Variants in PDLIM1 observed in about 807,000 individuals in gnomAD.
The protein encoded by PDLIM1 is PDZ and LIM domain protein 1.
Under a neutral mutation model 35.2 loss-of-function variants are expected in PDLIM1, and 25 were observed. That is an observed-to-expected ratio of 0.71 (90% confidence interval 0.52 to 0.99). PDLIM1 has a LOEUF of 0.99. Ranked by LOEUF, PDLIM1 falls within the 50% of genes least tolerant of loss-of-function variation. The pLI is 0.00. For synonymous variants in PDLIM1, 152 were observed against 154.0 expected (o/e 0.99, Z 0.10); for missense variants, 363 against 415.3 (o/e 0.87, Z 1.09).
chr10:95,286,311 C>G (rs1408341541), intron 1 of PDLIM1, among the ~76,000 whole-genome samples: 1 of 151,758 alleles, frequency 6.6e-6, no homozygotes, highest in African/African-American at 2.4e-5. Context: ...GAGCCGAGAT[C>G]ATGCCACTGA....
At chr10:95,289,692 C>T (rs773293259) in intron 1 of PDLIM1, among the ~76,000 whole-genome samples, 1 of 152,204 alleles carries the variant, frequency 6.6e-6, no homozygotes, top group Non-Finnish European at 1.5e-5. Context: ...CACCCTTCCC[C>T]CAACCCCAAG....
At chr10:95,284,795 T>A (rs187496810) in intron 1 of PDLIM1, among the ~76,000 whole-genome samples, 5 of 152,342 alleles carry the variant, frequency 3.3e-5, no homozygotes, top group African/African-American at 4.8e-5. Flanking sequence ...GACCGCTGTG[T>A]TCTTCACAAA....
At chr10:95,270,016 C>G (rs933444638) in intron 2 of PDLIM1, among the ~76,000 whole-genome samples, 1 of 152,126 alleles carries the variant, frequency 6.6e-6, no homozygotes, top group Non-Finnish European at 1.5e-5. Context: ...GGATTACAGA[C>G]TAGAGCCACC....
intron 1 of PDLIM1, among the ~76,000 whole-genome samples, chr10:95,279,452 G>A (rs1369054807): frequency 7.9e-5 from 12 of 152,090 alleles, no homozygotes. Context: ...AATACAGTAT[G>A]GGGAAAAAAT....
chr10:95,258,301 T>C (rs1174166591), intron 4 of PDLIM1, among the ~76,000 whole-genome samples: 1 of 151,716 alleles, frequency 6.6e-6, no homozygotes, highest in Non-Finnish European at 1.5e-5. Context: ...TGGGATATTA[T>C]TCAGCCTTAA....
intron 1 of PDLIM1, 27 bp from the exon 2 acceptor site, chr10:95,271,811 G>A (rs1471479692): frequency 6.2e-7 from 1 of 1,602,510 alleles, no homozygotes; most frequent in African/African-American, 1.3e-5. Flanking sequence ...AAGCAGGCTA[G>A]TTACTATTTG....
chr10:95,289,102 C>A (rs1386501625), intron 1 of PDLIM1, among the ~76,000 whole-genome samples: 1 of 152,208 alleles, frequency 6.6e-6, no homozygotes, highest in Non-Finnish European at 1.5e-5. Flanking sequence ...GCCCTTTTAA[C>A]AGATTGCCAA....
At chr10:95,267,772 T>G (rs927156814) in intron 3 of PDLIM1, among the ~76,000 whole-genome samples, 1 of 152,238 alleles carries the variant, frequency 6.6e-6, no homozygotes, top group Non-Finnish European at 1.5e-5. Flanking sequence ...AGCTATATAT[T>G]GTATTTTAAT....
chr10:95,290,187 G>C lies in PDLIM1; in HGVS notation c.96+633C>G, dbSNP rs1413471851. Among the ~76,000 whole-genome samples, 1 of 152,224 alleles carries C rather than the reference G, an allele frequency of 6.6e-6. No individual in the cohort carries two copies. Among genetic ancestry groups the C allele is most frequent in the African/African-American group, 2.4e-5 (1 of 41,456 alleles). ...AGAGATAATCTGGGAATGCTAGGAAGAATGACGGCGGGGCCACGTTCTGCA... is the reference window on the plus strand; with the variant it reads ...AGAGATAATCTGGGAATGCTAGGAACAATGACGGCGGGGCCACGTTCTGCA... On this transcript the variant is annotated intron_variant, in intron 1 of 6. Transcript: ENST00000329399. This position sits in a 1 kb window ranked among gnomAD's most constrained non-coding sequence, Gnocchi z 4.7.
chr10:95,258,395 G>A (rs1229572400), intron 4 of PDLIM1, among the ~76,000 whole-genome samples: 10 of 151,986 alleles, frequency 6.6e-5, no homozygotes, highest in African/African-American at 1.9e-4. Context: ...CCAGCTACTC[G>A]GGAGGCTGAG....
At chr10:95,286,866 C>T (rs116628080) in intron 1 of PDLIM1, among the ~76,000 whole-genome samples, 156 of 152,318 alleles carry the variant, frequency 1.0e-3, no homozygotes, top group African/African-American at 3.7e-3. Context: ...CCAGTCCTAT[C>T]CTGATCCCAG....
intron 1 of PDLIM1, among the ~76,000 whole-genome samples, chr10:95,273,866 A>G (rs934590011): frequency 4.6e-5 from 7 of 152,194 alleles, no homozygotes; most frequent in Non-Finnish European, 7.3e-5. Flanking sequence ...GTGCATCTTC[A>G]TACACACTTC....
intron 3 of PDLIM1, among the ~76,000 whole-genome samples, chr10:95,267,261 T>C (rs2035424218): frequency 6.6e-6 from 1 of 152,182 alleles, no homozygotes; most frequent in Admixed American, 6.5e-5. Flanking sequence ...TAACTGAAAT[T>C]TACATAATTA....
chr10:95,284,509 A>G (rs2133443218), intron 1 of PDLIM1, among the ~76,000 whole-genome samples: 1 of 152,198 alleles, frequency 6.6e-6, no homozygotes, highest in South Asian at 2.1e-4. Flanking sequence ...GCCTGCCACT[A>G]CGCCTGGCTA....
At chr10:95,289,480 ACT>A (rs1448807540) in intron 1 of PDLIM1, among the ~76,000 whole-genome samples, 2 of 151,926 alleles carry the variant, frequency 1.3e-5, no homozygotes, top group Non-Finnish European at 2.9e-5. Flanking sequence ...TGGCCCGCCT[ACT>A]CTTTTAGGGG....
intron 5 of PDLIM1, among the ~76,000 whole-genome samples, chr10:95,244,364 A>T (rs1358634620): frequency 6.6e-6 from 1 of 152,126 alleles, no homozygotes; most frequent in Non-Finnish European, 1.5e-5. Context: ...GCTTTACTTA[A>T]CCCTGTAAAC....
intron 1 of PDLIM1, among the ~76,000 whole-genome samples, chr10:95,281,525 C>T (rs953840274): frequency 6.6e-6 from 1 of 152,186 alleles, no homozygotes; most frequent in Non-Finnish European, 1.5e-5. Context: ...TATGATAGCA[C>T]CACTACACTC....
chr10:95,270,578 A>G (rs1182068573), intron 2 of PDLIM1, among the ~76,000 whole-genome samples: 1 of 152,086 alleles, frequency 6.6e-6, no homozygotes, highest in Non-Finnish European at 1.5e-5. Context: ...CCCTAATTAC[A>G]GCTCCCAAGG....
In PDLIM1 at chr10:95,263,988, C is replaced by A; in HGVS notation, c.409G>T (p.Ala137Ser). 1 of 1,613,818 alleles carries A rather than the reference C, an allele frequency of 6.2e-7. No individual in the cohort carries two copies. The highest frequency in any genetic ancestry group is 1.7e-4 in the Middle Eastern group (1 of 5,966). ...TTGTACTGGTTTGTGATGACCCTGG[C>A]AGTAGTGCTGGAGGCAGGCGAGGCG... is the stretch of plus-strand genomic sequence containing the variant. Reference protein sequence around the residue: ...FTASPASSTTARVITNQYNNP... With the variant: ...FTASPASSTTSRVITNQYNNP... The change falls in exon 4 of 7, where the codon GCC becomes TCC. Residue 137 changes from alanine to serine, a missense_variant. Coordinates refer to ENST00000329399, the MANE Select transcript of PDLIM1 (RefSeq NM_020992.4).
Sources: allele counts gnomAD v4.1 joint callset (sites outside exome capture counted in the v4.1 genomes callset), GRCh38; gene constraint gnomAD v4.1.1; non-coding constraint Gnocchi (gnomAD v3.1); transcripts MANE v1.5; gene names NCBI Gene and HGNC (gene_info 2026-07-23, HGNC 2026-07-21).